SATL1: variants seen among roughly 807,000 people sequenced by gnomAD.
SATL1 encodes the protein spermidine/spermine N1-acetyl transferase like 1, also known as spermidine/spermine N(1)-acetyltransferase-like protein 1.
In SATL1, 47 loss-of-function variants were observed where a neutral mutation model predicts 51.8. The ratio of observed to expected loss-of-function variants is 0.91; its 90% confidence interval spans 0.72 to 1.16. SATL1 has a LOEUF of 1.16. Among genes scored for constraint, SATL1 ranks in the 50% most tolerant of loss-of-function variants. The pLI is 0.00. For synonymous variants in SATL1, 176 were observed against 182.4 expected (o/e 0.97, Z 0.28); for missense variants, 520 against 526.4 (o/e 0.99, Z 0.12).
At chrX:85,215,831 CCA>C (rs916778281) in intron 2 of SATL1, among the ~76,000 whole-genome samples, 3 of 112,354 alleles carry the variant, frequency 2.7e-5, no homozygotes, top group Non-Finnish European at 5.6e-5. Flanking sequence ...CACCTGTCTC[CCA>C]GTCTTCTTCT....
chrX:85,190,707 A>G (rs1569244476), intron 2 of SATL1, among the ~76,000 whole-genome samples: 2 of 111,561 alleles, frequency 1.8e-5, no homozygotes, highest in South Asian at 3.8e-4. Context: ...CTTATAAGGT[A>G]AACAAAAAAT....
intron 2 of SATL1, among the ~76,000 whole-genome samples, chrX:85,152,869 A>T (rs989105640): frequency 9.0e-6 from 1 of 110,916 alleles, no homozygotes; most frequent in African/African-American, 3.3e-5. Flanking sequence ...CTAATGCTAA[A>T]TGATGAGTTA....
At chrX:85,232,599 C>T (rs1207072925) in intron 1 of SATL1, among the ~76,000 whole-genome samples, 1 of 111,818 alleles carries the variant, frequency 8.9e-6, no homozygotes, top group Non-Finnish European at 1.9e-5. Context: ...GCAGCATTCA[C>T]CACAACAGGC....
chrX:85,238,746 T>C (rs1435886542), intron 1 of SATL1, among the ~76,000 whole-genome samples: 1 of 111,431 alleles, frequency 9.0e-6, no homozygotes, highest in Non-Finnish European at 1.9e-5. Context: ...AAATGATAAA[T>C]GCTTGAGATG....
At position 85,109,045 on chromosome X, in the gene SATL1, G is replaced by C; in HGVS notation, c.-77C>G. 2.1e-6 allele frequency: 2 copies of C among 957,296 alleles called. No individual in the cohort carries two copies. 78.9% of individuals were successfully genotyped at this position (957,296 alleles called of 1,213,427 possible). On this transcript the variant is annotated 5_prime_UTR_variant, in exon 3 of 8. Coordinates refer to ENST00000644105, the MANE Select transcript of SATL1 (RefSeq NM_001367857.2). ...TTGGCAGACAACTGATTGGCTGATG[G>C]CTGTCTTGATGGAACAGAATCCCTT... is the stretch of plus-strand genomic sequence containing the variant.
intron 2 of SATL1, among the ~76,000 whole-genome samples, chrX:85,130,039 TC>T (rs1925741689): frequency 8.9e-6 from 1 of 112,059 alleles, no homozygotes; most frequent in Non-Finnish European, 1.9e-5. Flanking sequence ...GCTGCTGAAT[TC>T]GTTTTGCCAG....
chrX:85,147,427 G>T (rs1443545192), intron 2 of SATL1, among the ~76,000 whole-genome samples: 1 of 114,237 alleles, frequency 8.8e-6, no homozygotes, highest in African/African-American at 3.2e-5. Context: ...AGTAACCTCT[G>T]CAGACTTAAA....
chrX:85,242,919 C>T (rs1602937001), intron 1 of SATL1, among the ~76,000 whole-genome samples: 1 of 111,707 alleles, frequency 9.0e-6, no homozygotes, highest in South Asian at 3.7e-4. Flanking sequence ...GTGACAGAGA[C>T]GCTATAGCCC....
intron 2 of SATL1, among the ~76,000 whole-genome samples, chrX:85,152,262 A>G (rs1388318170): frequency 9.0e-6 from 1 of 111,704 alleles, no homozygotes; most frequent in African/African-American, 3.2e-5. Context: ...CAAAACCACA[A>G]TGAGATACCA....
intron 2 of SATL1, among the ~76,000 whole-genome samples, chrX:85,189,809 C>A (rs1407897286): frequency 8.9e-6 from 1 of 111,929 alleles, no homozygotes; most frequent in Non-Finnish European, 1.9e-5. Context: ...CTAATAGGAG[C>A]ATTCAATAAG....
intron 2 of SATL1, among the ~76,000 whole-genome samples, chrX:85,116,749 C>T (rs1183635203): frequency 4.5e-5 from 5 of 110,695 alleles, no homozygotes; most frequent in Non-Finnish European, 1.9e-5. Flanking sequence ...CTCTACTGCC[C>T]TGCTCATGTC....
At chrX:85,092,617 A>C in intron 7 of SATL1, 56 bp from the exon 8 acceptor site, 1 of 1,056,817 alleles carries the variant, frequency 9.5e-7, no homozygotes, top group Non-Finnish European at 1.3e-6. Flanking sequence ...AATCTTCGTT[A>C]ACACATATAT....
At chrX:85,148,514 C>G (rs1450802223) in intron 2 of SATL1, among the ~76,000 whole-genome samples, 1 of 110,356 alleles carries the variant, frequency 9.1e-6, no homozygotes, top group Non-Finnish European at 1.9e-5. Context: ...ACATAATTGT[C>G]AGATTCACCA....
intron 2 of SATL1, among the ~76,000 whole-genome samples, chrX:85,141,989 G>C: frequency 9.9e-6 from 1 of 100,891 alleles, no homozygotes; most frequent in Non-Finnish European, 2.0e-5. Context: ...AGTAATTGCT[G>C]TTTTGCCATT....
intron 2 of SATL1, among the ~76,000 whole-genome samples, chrX:85,177,995 C>G (rs1418520022): frequency 9.0e-6 from 1 of 111,548 alleles, no homozygotes; most frequent in Non-Finnish European, 1.9e-5. Flanking sequence ...TAGAGGTCAG[C>G]TAAGATTATA....
chrX:85,182,897 ATC>A (rs1159351364), intron 2 of SATL1, among the ~76,000 whole-genome samples: 1 of 111,739 alleles, frequency 8.9e-6, no homozygotes, highest in African/African-American at 3.2e-5. Context: ...TTTCAAAAAT[ATC>A]TGTTTAGACC....
intron 2 of SATL1, among the ~76,000 whole-genome samples, chrX:85,154,726 G>A (rs773787708): frequency 2.6e-3 from 292 of 112,352 alleles, no homozygotes; most frequent in African/African-American, 8.4e-3. Flanking sequence ...ATAAAATAGT[G>A]CTTAGAAAGC....
chrX:85,135,095 G>A (rs1198210439), intron 2 of SATL1, among the ~76,000 whole-genome samples: 1 of 111,037 alleles, frequency 9.0e-6, no homozygotes, highest in Non-Finnish European at 1.9e-5. Context: ...AATGCTGCAT[G>A]TTCTCACTTA....
At chrX:85,168,195 C>G in intron 2 of SATL1, among the ~76,000 whole-genome samples, 1 of 111,253 alleles carries the variant, frequency 9.0e-6, no homozygotes, top group Non-Finnish European at 1.9e-5. Flanking sequence ...TGGGCAAAAG[C>G]TGGAAGTGTT....
Sources: gnomAD v4.1 joint callset for allele counts (sites outside exome capture counted in the v4.1 genomes callset) on GRCh38, gnomAD v4.1.1 for gene constraint, MANE v1.5 for transcripts, NCBI Gene and HGNC (gene_info 2026-07-23, HGNC 2026-07-21) for gene names.